ZNF19: variants seen among roughly 807,000 people sequenced by gnomAD.
ZNF19 encodes the protein zinc finger protein 19 (KOX 12).
A neutral mutation model predicts 13.1 loss-of-function variants in ZNF19; 11 were observed. That is an observed-to-expected ratio of 0.84 (90% CI 0.53 to 1.39). The LOEUF (loss-of-function observed/expected upper bound fraction) is 1.39, where lower values mean the gene tolerates loss of function less well. Among genes scored for constraint, ZNF19 ranks in the 40% most tolerant of loss-of-function variants. The pLI is 0.00. For missense variants in ZNF19, 560 were observed against 547.0 expected, an observed-to-expected ratio of 1.02 and a Z score of -0.24; for synonymous variants, 186 against 187.0, an observed-to-expected ratio of 0.99 and a Z score of 0.04.
Position 71,474,334 on chromosome 16 carries a change from A to G in ZNF19, c.*836T>C, listed in dbSNP as rs2043585442. ...CCTGGCATTTCTCAGTTTAAGGCCT[A>G]GAGTAGCATCCATTCCAAATAAAAA... On this transcript the variant is annotated 3_prime_UTR_variant, in exon 6 of 6. Transcript: ENST00000288177. The G allele has an allele frequency of 6.6e-6, 1 of 152,262 alleles. No homozygotes were observed. The highest frequency in any genetic ancestry group is 2.4e-5 in the African/African-American group (1 of 41,478). 9.4% of individuals were successfully genotyped at this position (152,262 alleles called of 1,614,324 possible).
At position 71,484,615 on chromosome 16, in the gene ZNF19, G is replaced by C. The variant is rs1384580263; in HGVS notation, c.-56C>G. 1 of 985,482 alleles carries C rather than the reference G, an allele frequency of 1.0e-6. No individual in the cohort carries two copies. Among genetic ancestry groups the C allele is most frequent in the Non-Finnish European group, 1.2e-6 (1 of 829,990 alleles). The allele number at this position is 985,482 out of a possible 1,614,324, so 61.0% of individuals were successfully genotyped here. ...TCAGGAAAAACAGAAAGCGGTGCGT[G>C]AACGGAAGTGCGTCACTACTTTGGC... On this transcript the variant is annotated 5_prime_UTR_variant, in exon 2 of 6. Coordinates refer to ENST00000288177, the MANE Select transcript of ZNF19 (RefSeq NM_006961.4).
intron 2 of ZNF19, among the ~76,000 whole-genome samples, chr16:71,483,182 A>G (rs552184452): frequency 6.6e-6 from 1 of 152,130 alleles, no homozygotes; most frequent in Non-Finnish European, 1.5e-5. Flanking sequence ...TTTTTTGTTC[A>G]TTGCCCCACT....
At chr16:71,482,611 G>A (rs372459426) in intron 2 of ZNF19, among the ~76,000 whole-genome samples, 1 of 152,114 alleles carries the variant, frequency 6.6e-6, no homozygotes, top group African/African-American at 2.4e-5. Flanking sequence ...AAGGCTAAGA[G>A]AATAATTTCT....
At chr16:71,482,633 C>G (rs2043644908) in intron 2 of ZNF19, among the ~76,000 whole-genome samples, 1 of 152,122 alleles carries the variant, frequency 6.6e-6, no homozygotes, top group Non-Finnish European at 1.5e-5. Context: ...CTACCAAGAT[C>G]ACTCAGCTGG....
chr16:71,478,806 C>T (rs771430854), intron 4 of ZNF19, 73 bp downstream of exon 4: 28 of 1,566,490 alleles, frequency 1.8e-5, no homozygotes, highest in Non-Finnish European at 2.4e-5. Context: ...CCACACTCCT[C>T]CCCCCAGGCT....
chr16:71,483,617 G>A (rs1427671823), intron 2 of ZNF19, among the ~76,000 whole-genome samples: 2 of 152,088 alleles, frequency 1.3e-5, no homozygotes, highest in African/African-American at 2.4e-5. Context: ...GATCATGATC[G>A]CTCTACAGAC....
chr16:71,482,252 C>G (rs2043641880), intron 2 of ZNF19, 109 bp from the exon 3 acceptor site: 2 of 936,200 alleles, frequency 2.1e-6, no homozygotes, highest in Non-Finnish European at 3.4e-6. Context: ...TAAATGCTCA[C>G]TGGGTTAGTG....
Position 71,478,244 on chromosome 16 carries a change from G to A in ZNF19, c.258C>T (p.Thr86=), listed in dbSNP as rs772563264. 4 of 1,612,880 alleles carry A rather than the reference G, an allele frequency of 2.5e-6. No homozygotes were observed. In the Admixed American group the frequency reaches 6.7e-5, roughly 27 times the overall value. ...CTCACCTACCTTTACAGACGTTTTT[G>A]GTCCTCTCTGCTGGGGGATCATCCT... is the stretch of plus-strand genomic sequence containing the variant. ...EAQDDPPAER[T]KNVCKDVETN... The change falls in exon 5 of 6, where the codon ACC becomes ACT. Residue 86 remains threonine (T), a synonymous_variant. Coordinates refer to ENST00000288177, the MANE Select transcript of ZNF19 (RefSeq NM_006961.4).
At chr16:71,485,428 C>T (rs551304447) in intron 1 of ZNF19, among the ~76,000 whole-genome samples, 36 of 134,832 alleles carry the variant, frequency 2.7e-4, no homozygotes, top group East Asian at 1.7e-3. Flanking sequence ...CCAGCCTGGG[C>T]GACAAAAGCA....
At chr16:71,479,061 T>C in intron 3 of ZNF19, 56 bp from the exon 4 acceptor site, 1 of 1,613,106 alleles carries the variant, frequency 6.2e-7, no homozygotes, top group Non-Finnish European at 8.5e-7. Context: ...CGGGCCAGAG[T>C]GTGGGGCAGA....
intron 5 of ZNF19, among the ~76,000 whole-genome samples, chr16:71,477,700 A>G (rs1349889562): frequency 6.6e-6 from 1 of 151,538 alleles, no homozygotes; most frequent in African/African-American, 2.4e-5. Flanking sequence ...AAGGCACCTC[A>G]CGCCCTGTGC....
chr16:71,480,834 T>G (rs754101989), intron 3 of ZNF19, among the ~76,000 whole-genome samples: 34 of 152,016 alleles, frequency 2.2e-4, no homozygotes, highest in Non-Finnish European at 4.3e-4. Context: ...CTGAGAGAAG[T>G]CCATACTTCA....
chr16:71,481,074 AAAC>A (rs1328673138), intron 3 of ZNF19, among the ~76,000 whole-genome samples: 2 of 152,248 alleles, frequency 1.3e-5, no homozygotes, highest in Non-Finnish European at 2.9e-5. Context: ...AGAGAAGGAA[AAAC>A]AACAAGACTT....
intron 4 of ZNF19, 115 bp from the exon 5 acceptor site, chr16:71,478,456 G>A (rs2043616186): frequency 1.3e-6 from 1 of 769,804 alleles, no homozygotes; most frequent in South Asian, 1.5e-5. Flanking sequence ...CTCGACTGGA[G>A]AAGGCCAAAG....
chr16:71,488,305 A>G (rs2043693733), intron 1 of ZNF19, among the ~76,000 whole-genome samples: 1 of 151,584 alleles, frequency 6.6e-6, no homozygotes, highest in African/African-American at 2.4e-5. Flanking sequence ...GGATGCAGTA[A>G]GCTGAGAATA....
In ZNF19 at chr16:71,475,549, A is replaced by G. The variant is rs778181767; in HGVS notation, c.998T>C (p.Val333Ala). The G allele has an allele frequency of 1.2e-6, 2 of 1,613,532 alleles. No homozygotes were observed. Among genetic ancestry groups the G allele is most frequent in the Non-Finnish European group, 1.7e-6 (2 of 1,179,908 alleles). ...ATGAAAATTGAAGGCTTGTCCACAT[A>G]CTTTACAAGAATAAGGCTTTTCCCC... is the stretch of plus-strand genomic sequence containing the variant. The part of the protein sequence containing the change: ...HTGEKPYSCK[V>A]CGQAFNFHTK... Residue 333 changes from valine to alanine, a missense_variant, in exon 6 of 6, where the codon GTA becomes GCA. Transcript: ENST00000288177.
intron 1 of ZNF19, among the ~76,000 whole-genome samples, chr16:71,488,051 G>C (rs947414680): frequency 2.0e-5 from 3 of 152,056 alleles, no homozygotes; most frequent in Non-Finnish European, 4.4e-5. Context: ...CAAGAGCAAG[G>C]CCAGAAAAAG....
Position 71,475,523 on chromosome 16 carries a change from T to C in ZNF19, c.1024A>G (p.Thr342Ala). 1 of 1,613,676 alleles carries C rather than the reference T, an allele frequency of 6.2e-7. No individual in the cohort carries two copies. Among genetic ancestry groups the C allele is most frequent in the Non-Finnish European group, 8.5e-7 (1 of 1,179,882 alleles). Residue 342 changes from threonine to alanine, a missense_variant, in exon 6 of 6, where the codon ACA becomes GCA. By Grantham distance (58) the Thr-to-Ala change is moderately conservative (BLOSUM62 0). Transcript: ENST00000288177. ...ATTCTCTGGTGCCGAGTTAGTTTTG[T>C]ATGAAAATTGAAGGCTTGTCCACAT... ...KVCGQAFNFH[T>A]KLTRHQRIHS...
chr16:71,489,271 C>T lies in ZNF19; in HGVS notation c.-190+1G>A, dbSNP rs2043703941. On this transcript the variant is annotated splice_donor_variant, in intron 1 of 5. Transcript: ENST00000288177. LOFTEE classifies it low-confidence loss of function (5UTR_SPLICE). ...AACTGTGGGTCCTTGCACTTTGGCACCTTTGAGCGCGGACTCAAAACAGGC... is the reference window on the plus strand; with the variant it reads ...AACTGTGGGTCCTTGCACTTTGGCATCTTTGAGCGCGGACTCAAAACAGGC... The T allele has an allele frequency of 1.0e-6, 1 of 985,470 alleles. No individual in the cohort carries two copies. Among genetic ancestry groups the T allele is most frequent in the African/African-American group, 1.7e-5 (1 of 57,268 alleles). 61.0% of individuals were successfully genotyped at this position (985,470 alleles called of 1,614,324 possible).
Sources: gnomAD v4.1 joint callset for allele counts (sites outside exome capture counted in the v4.1 genomes callset) on GRCh38, gnomAD v4.1.1 for gene constraint, MANE v1.5 for transcripts, NCBI Gene and HGNC (gene_info 2026-07-23, HGNC 2026-07-21) for gene names.